The following ITIH5 variants were observed in gnomAD, a reference collection of about 807,000 sequenced individuals.
ITIH5 encodes inter-alpha-trypsin inhibitor heavy chain 5, also known as inter-alpha-trypsin inhibitor heavy chain H5.
In ITIH5, 65 loss-of-function variants were observed where a neutral mutation model predicts 77.5. That is an observed-to-expected ratio of 0.84 (90% confidence interval 0.69 to 1.03). ITIH5 has a LOEUF of 1.03. Ranked by LOEUF, ITIH5 falls within the 50% of genes least tolerant of loss-of-function variation. The probability of loss-of-function intolerance (pLI) is 0.00; values close to 1 mark genes in which losing one functional copy is unlikely to be tolerated. For synonymous variants in ITIH5, 525 were observed against 494.3 expected, an observed-to-expected ratio of 1.06 and a Z score of -0.82; for missense variants, 1,208 against 1,213.1, an observed-to-expected ratio of 1.00 and a Z score of 0.06.
intron 11 of ITIH5, among the ~76,000 whole-genome samples, chr10:7,570,585 T>C (rs775177868): frequency 1.7e-4 from 26 of 152,202 alleles, no homozygotes; most frequent in Non-Finnish European, 3.7e-4. Flanking sequence ...AGATTGGAGA[T>C]TTACCTTCTC....
At chr10:7,606,593 C>T (rs892228494) in intron 7 of ITIH5, among the ~76,000 whole-genome samples, 1 of 152,126 alleles carries the variant, frequency 6.6e-6, no homozygotes, top group Non-Finnish European at 1.5e-5. Context: ...ACACTGGGGC[C>T]TCTTGAGGGT....
At chr10:7,565,808 ATATATGTATAGTATATAATACATTATG>A (rs1452395542) in intron 13 of ITIH5, among the ~76,000 whole-genome samples, 195 bp downstream of exon 13, 1 of 149,400 alleles carries the variant, frequency 6.7e-6, no homozygotes, top group Non-Finnish European at 1.5e-5. Flanking sequence ...ATATATACAT[ATATATGTATAGTATATAATACATTATG>A]TATATGTATA....
intron 7 of ITIH5, among the ~76,000 whole-genome samples, chr10:7,613,780 G>A (rs574905630): frequency 1.5e-4 from 23 of 152,274 alleles, no homozygotes; most frequent in Non-Finnish European, 2.8e-4. Context: ...CTGAGAGGCC[G>A]CACATCCCCT....
intron 12 of ITIH5, chr10:7,569,429 C>T: frequency 2.5e-6 from 1 of 402,550 alleles, no homozygotes. Context: ...TTCCTATCTC[C>T]ATTTTACAAG....
At chr10:7,620,880 T>C (rs1536492) in intron 5 of ITIH5, 16,912 of 152,068 alleles carry the variant, frequency 0.11, 1,001 homozygotes, top group East Asian at 0.24. Flanking sequence ...ACCCATCCCA[T>C]TAGAAGGGCT....
At chr10:7,587,454 A>C (rs4747528) in intron 7 of ITIH5, among the ~76,000 whole-genome samples, 42,799 of 151,900 alleles carry the variant, frequency 0.28, 6,270 homozygotes, top group East Asian at 0.49. Flanking sequence ...GAAGTTGAAG[A>C]GCACAGGCTT....
At position 7,564,661 on chromosome 10, in the gene ITIH5, C is replaced by G. The variant is rs373620196; in HGVS notation, c.2528-1277G>C. ...GATATTCTAGATGGTCACGTAATGACCAAATCACCTAACGACCATTAGAAT... is the reference window on the plus strand; with the variant it reads ...GATATTCTAGATGGTCACGTAATGAGCAAATCACCTAACGACCATTAGAAT... On this transcript the variant is annotated intron_variant, in intron 13 of 13. Transcript: ENST00000397146. Among the ~76,000 whole-genome samples the G allele has an allele frequency of 5.3e-5, 8 of 151,794 alleles. No individual in the cohort carries two copies. The East Asian group carries it at 7.7e-4, about 15-fold the overall frequency.
At chr10:7,614,419 T>C (rs922950352) in intron 7 of ITIH5, among the ~76,000 whole-genome samples, 1 of 152,238 alleles carries the variant, frequency 6.6e-6, no homozygotes, top group Non-Finnish European at 1.5e-5. Flanking sequence ...TCAGGTCAGC[T>C]TTGAATGCAG....
At chr10:7,586,211 T>C in intron 7 of ITIH5, 142 bp from the exon 8 acceptor site, 1 of 693,136 alleles carries the variant, frequency 1.4e-6, no homozygotes, top group South Asian at 2.0e-5. Flanking sequence ...CTTGGCTGAA[T>C]GTCAAGGAAT....
At chr10:7,565,091 C>T (rs1218469730) in intron 13 of ITIH5, among the ~76,000 whole-genome samples, 1 of 107,034 alleles carries the variant, frequency 9.3e-6, no homozygotes, top group African/African-American at 3.0e-5. Flanking sequence ...TATACACACA[C>T]ACACACACAT....
intron 10 of ITIH5, among the ~76,000 whole-genome samples, chr10:7,576,018 T>G (rs367597863): frequency 6.6e-6 from 1 of 152,104 alleles, no homozygotes; most frequent in Admixed American, 6.5e-5. Flanking sequence ...ATAGTGTTAT[T>G]GCTTTTTGGT....
intron 7 of ITIH5, among the ~76,000 whole-genome samples, chr10:7,597,495 T>C (rs1217195866): frequency 1.3e-5 from 2 of 152,154 alleles, no homozygotes; most frequent in African/African-American, 4.8e-5. Flanking sequence ...CAGCCTCAGA[T>C]CTGTTGTCCC....
chr10:7,593,258 C>G (rs562263981), intron 7 of ITIH5, among the ~76,000 whole-genome samples: 1 of 152,138 alleles, frequency 6.6e-6, no homozygotes, highest in Non-Finnish European at 1.5e-5. Context: ...AGGCACCTCC[C>G]GGTGGCTCCA....
intron 5 of ITIH5, chr10:7,618,184 GT>G (rs1279134362): frequency 6.6e-6 from 1 of 151,770 alleles, no homozygotes; most frequent in African/African-American, 2.4e-5. Context: ...GCTCAGACTG[GT>G]CTTGAACTCC....
Position 7,585,948 on chromosome 10 carries a change from C to T in ITIH5, c.1061G>A (p.Ser354Asn), listed in dbSNP as rs762906097. 7 of 1,614,004 alleles carry T rather than the reference C, an allele frequency of 4.3e-6. No homozygotes were observed. The highest frequency in any genetic ancestry group is 2.2e-5 in the South Asian group (2 of 91,064). The change falls in exon 8 of 14, where the codon AGC becomes AAC. Residue 354 changes from serine to asparagine, a missense_variant. Coordinates refer to ENST00000397146, the MANE Select transcript of ITIH5 (RefSeq NM_030569.7). ...KDHLISVTPD[S>N]IRDGKVYIHH... is the part of the protein sequence containing the mutation. ...AATGTACACTTTCCCATCCCTGATG[C>T]TGTCTGGAGTGACTGATATCAAGTG...
intron 7 of ITIH5, among the ~76,000 whole-genome samples, chr10:7,606,090 C>A (rs183739257): frequency 4.6e-5 from 7 of 152,258 alleles, no homozygotes; most frequent in Admixed American, 1.3e-4. Context: ...AATAACATGA[C>A]CTCATTTTAT....
Position 7,640,773 on chromosome 10 carries a change from T to C in ITIH5, c.382A>G (p.Lys128Glu), listed in dbSNP as rs1386535088. 2 of 1,611,936 alleles carry C rather than the reference T, an allele frequency of 1.2e-6. No homozygotes were observed. Among genetic ancestry groups the C allele is most frequent in the African/African-American group, 2.7e-5 (2 of 74,890 alleles). ...ACTTACCCATTTTCTTCTGTGGTTT[T>C]ATTCCTTTTCTCTTTTACCCTATCA... ...SGDRVKEKRN[K>E]TTEENGEKGT... The change falls in exon 4 of 14, where the codon AAA becomes GAA. Residue 128 changes from lysine to glutamate, a missense_variant. Lys to Glu is a moderately conservative substitution (Grantham distance 56). Coordinates refer to ENST00000397146, the MANE Select transcript of ITIH5 (RefSeq NM_030569.7).
chr10:7,605,537 C>G (rs1262920611), intron 7 of ITIH5, among the ~76,000 whole-genome samples: 3 of 140,602 alleles, frequency 2.1e-5, no homozygotes, highest in South Asian at 2.2e-4. Flanking sequence ...CCTAGCACCC[C>G]ACCCCCAACA....
intron 7 of ITIH5, among the ~76,000 whole-genome samples, chr10:7,587,914 G>A (rs1328277645): frequency 1.3e-5 from 2 of 152,138 alleles, no homozygotes; most frequent in African/African-American, 4.8e-5. Flanking sequence ...CTCTGGCTAG[G>A]TGAAATAACC....
Sources: allele counts gnomAD v4.1 joint callset (sites outside exome capture counted in the v4.1 genomes callset), GRCh38; gene constraint gnomAD v4.1.1; transcripts MANE v1.5; gene names NCBI Gene and HGNC (gene_info 2026-07-23, HGNC 2026-07-21).